RBFOX1: variants seen among roughly 807,000 people sequenced by gnomAD.
RBFOX1 encodes RNA binding fox-1 homolog 1.
In RBFOX1, 8 loss-of-function variants were observed where a neutral mutation model predicts 57.7. The observed-to-expected ratio is 0.14, with a 90% CI of 0.08 to 0.25. RBFOX1 has a LOEUF of 0.25. Among genes scored for constraint, RBFOX1 ranks in the 10% least tolerant of loss-of-function variants. The pLI, the probability that RBFOX1 is intolerant of heterozygous loss-of-function variation, is 1.00. For missense variants in RBFOX1, 611 were observed against 548.5 expected (o/e 1.11, Z -1.14); for synonymous variants, 326 against 222.4 (o/e 1.47, Z -4.15).
At chr16:6,112,261 G>T (rs900466939) in intron 1 of RBFOX1, among the ~76,000 whole-genome samples, 1 of 152,130 alleles carries the variant, frequency 6.6e-6, no homozygotes, top group Non-Finnish European at 1.5e-5. Context: ...ACAGTGTCTG[G>T]AATCTTGTCA....
intron 12 of RBFOX1, among the ~76,000 whole-genome samples, chr16:7,661,428 C>G (rs905323231): frequency 2.6e-5 from 4 of 152,178 alleles, no homozygotes; most frequent in Non-Finnish European, 4.4e-5. Context: ...AGTACCCTCA[C>G]CCCACCACCC....
At chr16:6,669,077 C>A (rs2098749153) in intron 3 of RBFOX1, among the ~76,000 whole-genome samples, 1 of 152,156 alleles carries the variant, frequency 6.6e-6, no homozygotes, top group Non-Finnish European at 1.5e-5. Flanking sequence ...ATGCCCTATC[C>A]AAATGTGATT....
At chr16:7,598,865 G>GCTAGATCATTGTTTTCT (rs2094855323) in intron 9 of RBFOX1, among the ~76,000 whole-genome samples, 1 of 152,086 alleles carries the variant, frequency 6.6e-6, no homozygotes, top group South Asian at 2.1e-4. Context: ...AATACTGATT[G>GCTAGATCATTGTTTTCT]TTTATCACAA....
In RBFOX1 at chr16:7,469,595, T is replaced by C. The variant is rs148563749; in HGVS notation, c.28-48552T>C. Among the ~76,000 whole-genome samples the C allele has an allele frequency of 6.3e-3, 966 of 152,310 alleles. 5 individuals are homozygous for C. Among genetic ancestry groups the C allele is most frequent in the Middle Eastern group, 0.02 (6 of 294 alleles). ...TTAGATTTATTGAAAAGTTGTGATA[T>C]AGCCCTGAGTTCCCATGCACCCACA... is the stretch of plus-strand genomic sequence containing the variant. On this transcript the variant is annotated intron_variant, in intron 4 of 15. Transcript: ENST00000550418.
intron 5 of RBFOX1, among the ~76,000 whole-genome samples, chr16:7,536,806 T>A (rs1275698502): frequency 6.6e-6 from 1 of 152,194 alleles, no homozygotes; most frequent in Non-Finnish European, 1.5e-5. Context: ...TGAGAGTATT[T>A]ACACTATGGG....
chr16:5,455,369 C>G (rs1462625324), intron 1 of RBFOX1, among the ~76,000 whole-genome samples: 1 of 152,048 alleles, frequency 6.6e-6, no homozygotes, highest in Non-Finnish European at 1.5e-5. Context: ...TCAGAAGCCG[C>G]CTAGTATCAC....
chr16:7,348,811 A>C (rs1431580013), intron 4 of RBFOX1, among the ~76,000 whole-genome samples: 1 of 152,110 alleles, frequency 6.6e-6, no homozygotes, highest in African/African-American at 2.4e-5. Flanking sequence ...GGGTGGTGGC[A>C]CGTGCTTGTA....
chr16:7,609,124 C>T lies in RBFOX1; in HGVS notation c.676+1786C>T, dbSNP rs531436879. 3.3e-5 allele frequency among the ~76,000 whole-genome samples: 5 copies of T among 152,268 alleles called. No homozygotes were observed. The South Asian group carries it at 1.0e-3, about 32-fold the overall frequency. On this transcript the variant is annotated intron_variant, in intron 10 of 15. Coordinates refer to ENST00000550418, the MANE Select transcript of RBFOX1 (RefSeq NM_018723.4). ...TTCCATGTGTCCGCAGCAGGCACTG[C>T]CCATGAATGGAGTAGTTAGACTAAA...
intron 3 of RBFOX1, among the ~76,000 whole-genome samples, chr16:5,732,023 C>G (rs559323829): frequency 1.3e-5 from 2 of 152,298 alleles, no homozygotes; most frequent in South Asian, 2.1e-4. Context: ...TGCAAGACAG[C>G]CTCATTGCAG....
intron 2 of RBFOX1, among the ~76,000 whole-genome samples, chr16:6,460,093 G>A (rs1597557713): frequency 6.7e-6 from 1 of 148,328 alleles, no homozygotes; most frequent in South Asian, 2.1e-4. Flanking sequence ...AGATTGCTTG[G>A]GGCTGCCATA....
intron 2 of RBFOX1, among the ~76,000 whole-genome samples, chr16:6,623,287 G>T (rs1374695642): frequency 6.6e-6 from 1 of 152,158 alleles, no homozygotes; most frequent in Non-Finnish European, 1.5e-5. Context: ...GAAAGGTGCA[G>T]TTGGGCTTAG....
At chr16:6,542,743 C>A (rs998226303) in intron 2 of RBFOX1, among the ~76,000 whole-genome samples, 1 of 150,822 alleles carries the variant, frequency 6.6e-6, no homozygotes, top group Non-Finnish European at 1.5e-5. Flanking sequence ...CTGCCTGCCT[C>A]GGCCCCCAGA....
intron 3 of RBFOX1, among the ~76,000 whole-genome samples, chr16:6,696,014 T>A (rs1228935185): frequency 6.6e-6 from 1 of 152,196 alleles, no homozygotes; most frequent in Non-Finnish European, 1.5e-5. Context: ...CTACAGCGTA[T>A]CCACTTAAAC....
intron 4 of RBFOX1, among the ~76,000 whole-genome samples, chr16:7,385,946 A>G (rs1320417616): frequency 1.3e-5 from 2 of 148,188 alleles, no homozygotes; most frequent in East Asian, 3.9e-4. Flanking sequence ...TTATTTATTT[A>G]TTTATTTATT....
chr16:7,274,244 T>G (rs2095396831), intron 4 of RBFOX1, among the ~76,000 whole-genome samples: 5 of 152,336 alleles, frequency 3.3e-5, no homozygotes, highest in African/African-American at 1.2e-4. Context: ...ATGTTCCGAG[T>G]AATGTTAGGA....
chr16:6,649,931 G>T (rs1336957412), intron 2 of RBFOX1, among the ~76,000 whole-genome samples: 1 of 152,064 alleles, frequency 6.6e-6, no homozygotes, highest in Non-Finnish European at 1.5e-5. Context: ...CTTTGGGCTG[G>T]TTCCATATTT....
At chr16:7,480,040 C>T (rs1259084615) in intron 4 of RBFOX1, among the ~76,000 whole-genome samples, 1 of 152,176 alleles carries the variant, frequency 6.6e-6, no homozygotes, top group Non-Finnish European at 1.5e-5. Flanking sequence ...CATGTGCTGA[C>T]TCAGTAAACA....
chr16:5,539,383 C>T (rs901812434), intron 2 of RBFOX1, among the ~76,000 whole-genome samples: 9 of 151,350 alleles, frequency 5.9e-5, no homozygotes, highest in African/African-American at 1.2e-4. Context: ...ACTTGAGGTC[C>T]GGAATTGGAG....
intron 4 of RBFOX1, among the ~76,000 whole-genome samples, chr16:5,875,064 C>T (rs2057569606): frequency 6.6e-6 from 1 of 152,188 alleles, no homozygotes; most frequent in Non-Finnish European, 1.5e-5. Flanking sequence ...GGCTGACTAA[C>T]CAGCAAGCTG....
Sources: allele counts gnomAD v4.1 joint callset (sites outside exome capture counted in the v4.1 genomes callset), GRCh38; gene constraint gnomAD v4.1.1; transcripts MANE v1.5; gene names NCBI Gene and HGNC (gene_info 2026-07-23, HGNC 2026-07-21).